Variants in ATP2B2 observed in about 807,000 individuals in gnomAD.
ATP2B2 encodes the protein ATPase plasma membrane Ca2+ transporting 2.
A neutral mutation model predicts 120.0 loss-of-function variants in ATP2B2; 15 were observed. The observed-to-expected ratio is 0.12, with a 90% CI of 0.08 to 0.19. The LOEUF is 0.19. Among genes scored for constraint, ATP2B2 ranks in the 10% least tolerant of loss-of-function variants. The pLI, the probability that ATP2B2 is intolerant of heterozygous loss-of-function variation, is 1.00. For synonymous variants in ATP2B2, 694 were observed against 700.3 expected (o/e 0.99, Z 0.14); for missense variants, 1,045 against 1,719.8 (o/e 0.61, Z 6.94).
intron 1 of ATP2B2, among the ~76,000 whole-genome samples, chr3:10,655,703 C>A (rs937590221): frequency 6.6e-6 from 1 of 152,236 alleles, no homozygotes; most frequent in South Asian, 2.1e-4. Context: ...CACCTTCCCA[C>A]TTAACCATTT....
intron 2 of ATP2B2, among the ~76,000 whole-genome samples, chr3:10,553,327 C>T (rs941322568): frequency 3.3e-5 from 5 of 152,280 alleles, no homozygotes; most frequent in African/African-American, 1.2e-4. Flanking sequence ...CCTCAGCGCC[C>T]TGTTCCATGC....
At chr3:10,417,066 C>T (rs1202623362) in intron 2 of ATP2B2, among the ~76,000 whole-genome samples, 4 of 38,084 alleles carry the variant, frequency 1.1e-4, no homozygotes, top group African/African-American at 2.3e-4. Context: ...TCCCAGACGG[C>T]GGCGGGGGGG....
At chr3:10,380,143 G>A (rs965281247) in intron 8 of ATP2B2, among the ~76,000 whole-genome samples, 22 of 152,250 alleles carry the variant, frequency 1.4e-4, no homozygotes. Context: ...GCCTGGTGCT[G>A]CATCTGGCTG....
chr3:10,650,985 G>A (rs2070446150), intron 1 of ATP2B2, among the ~76,000 whole-genome samples: 1 of 152,216 alleles, frequency 6.6e-6, no homozygotes, highest in Non-Finnish European at 1.5e-5. Flanking sequence ...CTTGAGTGGG[G>A]CCTGCAGCCC....
chr3:10,694,780 T>C (rs1435892206), intron 1 of ATP2B2, among the ~76,000 whole-genome samples: 1 of 152,184 alleles, frequency 6.6e-6, no homozygotes, highest in Non-Finnish European at 1.5e-5. Context: ...GAAAACTCTT[T>C]GCACATTAAG....
rs979896949 is a variant in ATP2B2, at chr3:10,324,667, G to C, written c.*4147C>G. 6.6e-6 allele frequency: 1 copy of C among 152,272 alleles called. No homozygotes were observed. The highest frequency in any genetic ancestry group is 2.4e-5 in the African/African-American group (1 of 41,454). The allele number at this position is 152,272 out of a possible 1,614,324, so 9.4% of individuals were successfully genotyped here. The stretch of plus-strand genomic sequence containing the variant: ...TGCACCAGGTTGGCAGCCTCCTGCA[G>C]GTAGCGCAAGAGTGGGCTAGGGGAG... On this transcript the variant is annotated 3_prime_UTR_variant, in exon 23 of 23. Coordinates refer to ENST00000360273, the MANE Select transcript of ATP2B2 (RefSeq NM_001001331.4).
intron 1 of ATP2B2, among the ~76,000 whole-genome samples, chr3:10,498,569 T>G (rs529936194): frequency 4.1e-4 from 62 of 152,128 alleles, no homozygotes; most frequent in African/African-American, 1.4e-3. Context: ...CTAGAATGAG[T>G]TCATCCAGAT....
chr3:10,642,542 C>T (rs1396978935), intron 1 of ATP2B2, among the ~76,000 whole-genome samples: 5 of 152,188 alleles, frequency 3.3e-5, no homozygotes, highest in Non-Finnish European at 7.3e-5. Context: ...CACACACGTA[C>T]ACACAATGTC....
Position 10,347,869 on chromosome 3 carries a change from C to A in ATP2B2, c.2405-1732G>T, listed in dbSNP as rs2060473030. On this transcript the variant is annotated intron_variant, in intron 16 of 22. Coordinates refer to ENST00000360273, the MANE Select transcript of ATP2B2 (RefSeq NM_001001331.4). This position sits in a 1 kb window ranked among gnomAD's most constrained non-coding sequence, Gnocchi z 5.2. Reference sequence around the variant, plus strand: ...ACCAGGGGCCTCCCTGTGGCTGCTTCCTATGGTCACATTTCTGTTCTGTCC... The same window carrying A: ...ACCAGGGGCCTCCCTGTGGCTGCTTACTATGGTCACATTTCTGTTCTGTCC... Among the ~76,000 whole-genome samples, 1 of 152,174 alleles carries A rather than the reference C, an allele frequency of 6.6e-6. No individual in the cohort carries two copies. The highest frequency in any genetic ancestry group is 1.5e-5 in the Non-Finnish European group (1 of 68,022).
At position 10,449,371 on chromosome 3, in the gene ATP2B2, C is replaced by G; in HGVS notation, c.173G>C (p.Arg58Pro). Reference sequence around the variant, plus strand: ...TTCAACAGGTGAGGTTTTGAGGCGCCGGCAGATGGCTTCGGTGTCCCCATA... The same window carrying G: ...TTCAACAGGTGAGGTTTTGAGGCGCGGGCAGATGGCTTCGGTGTCCCCATA... The part of the protein sequence containing the change: ...ETYGDTEAIC[R>P]RLKTSPVEGL... The change falls in exon 2 of 23, where the codon CGG (arginine) becomes CCG (proline). Residue 58 changes from arginine to proline, a missense_variant. By Grantham distance (103) the Arg-to-Pro change is moderately radical (BLOSUM62 -2). This residue lies in a region of ATP2B2 where 139 missense variants were observed against 134.2 expected (regional missense o/e 1.04). Transcript: ENST00000360273. 6.2e-7 allele frequency: 1 copy of G among 1,614,228 alleles called. No individual in the cohort carries two copies. Among genetic ancestry groups the G allele is most frequent in the African/African-American group, 1.3e-5 (1 of 75,062 alleles).
intron 1 of ATP2B2, among the ~76,000 whole-genome samples, chr3:10,678,865 A>T (rs1184419078): frequency 2.6e-5 from 4 of 152,206 alleles, no homozygotes; most frequent in Non-Finnish European, 5.9e-5. Flanking sequence ...ATATGATGGG[A>T]TATCATCCCG....
chr3:10,488,495 CTTCCTTCCTTCG>C (rs1283860428), intron 1 of ATP2B2, among the ~76,000 whole-genome samples: 7 of 99,012 alleles, frequency 7.1e-5, no homozygotes, highest in East Asian at 3.0e-4. Context: ...TCCTTCCTTC[CTTCCTTCCTTCG>C]TTCCTTCCTT....
intron 3 of ATP2B2, among the ~76,000 whole-genome samples, chr3:10,518,862 T>C (rs910226716): frequency 6.6e-6 from 1 of 152,218 alleles, no homozygotes; most frequent in African/African-American, 2.4e-5. Context: ...TGTGTGGCCA[T>C]GGGAAAGTGG....
At chr3:10,543,570 G>A (rs1006889137) in intron 2 of ATP2B2, among the ~76,000 whole-genome samples, 5 of 152,152 alleles carry the variant, frequency 3.3e-5, no homozygotes, top group Admixed American at 2.0e-4. Flanking sequence ...TTTTGTTTTG[G>A]AAAATATAGT....
At chr3:10,507,896 G>A (rs1169849694), upstream of ATP2B2, among the ~76,000 whole-genome samples, 1 of 152,122 alleles carries the variant, frequency 6.6e-6, no homozygotes, top group Non-Finnish European at 1.5e-5. Flanking sequence ...TTGTGACGGA[G>A]GCCTCTGGAC....
intron 1 of ATP2B2, among the ~76,000 whole-genome samples, chr3:10,453,129 G>T (rs1290213876): frequency 3.3e-5 from 5 of 152,212 alleles, no homozygotes; most frequent in African/African-American, 1.2e-4. Flanking sequence ...ACGCTGCAAG[G>T]CGTTATGCAT....
At chr3:10,368,201 AAAAGACATCGGCT>A in intron 12 of ATP2B2, among the ~76,000 whole-genome samples, 1 of 151,724 alleles carries the variant, frequency 6.6e-6, no homozygotes, top group Non-Finnish European at 1.5e-5. Flanking sequence ...TTTTTTCAGT[AAAAGACATCGGCT>A]AATTGGGAGG....
At chr3:10,356,246 A>C (rs1383083475) in intron 14 of ATP2B2, among the ~76,000 whole-genome samples, 1 of 151,362 alleles carries the variant, frequency 6.6e-6, no homozygotes, top group Non-Finnish European at 1.5e-5. Flanking sequence ...ATCTGGGTTC[A>C]CTCAGCCACT....
chr3:10,620,241 A>C (rs922444413), intron 1 of ATP2B2, among the ~76,000 whole-genome samples: 2 of 152,138 alleles, frequency 1.3e-5, no homozygotes, highest in Admixed American at 6.5e-5. Flanking sequence ...TCCTGGAGAC[A>C]AATCTCCCAG....
Sources: gnomAD v4.1 joint callset for allele counts (sites outside exome capture counted in the v4.1 genomes callset) on GRCh38, gnomAD v4.1.1 for gene constraint, gnomAD v4.1.1 regional missense constraint, Gnocchi (gnomAD v3.1) non-coding constraint, MANE v1.5 for transcripts, NCBI Gene and HGNC (gene_info 2026-07-23, HGNC 2026-07-21) for gene names.